The following FBXL7 variants were observed in gnomAD, a reference collection of about 807,000 sequenced individuals.
FBXL7 encodes F-box/LRR-repeat protein 7.
In FBXL7, 12 loss-of-function variants were observed where a neutral mutation model predicts 38.3. The observed-to-expected ratio is 0.31, with a 90% CI of 0.20 to 0.51. The LOEUF is 0.51. FBXL7 is among the 20% of genes least tolerant of loss of function. The pLI, the probability that FBXL7 is intolerant of heterozygous loss-of-function variation, is 0.98. For synonymous variants in FBXL7, 297 were observed against 300.9 expected (o/e 0.99, Z 0.13); for missense variants, 567 against 676.4 (o/e 0.84, Z 1.79).
At chr5:15,676,720 G>T (rs1166429866) in intron 2 of FBXL7, among the ~76,000 whole-genome samples, 2 of 152,186 alleles carry the variant, frequency 1.3e-5, no homozygotes, top group Non-Finnish European at 2.9e-5. Context: ...CATGCTGCAG[G>T]GCACTGCTGT....
At chr5:15,790,293 G>A (rs1437118203) in intron 2 of FBXL7, among the ~76,000 whole-genome samples, 1 of 152,112 alleles carries the variant, frequency 6.6e-6, no homozygotes, top group Non-Finnish European at 1.5e-5. Flanking sequence ...AGAATCTGGA[G>A]TCTGACCACC....
At chr5:15,575,693 A>G (rs59584249) in intron 1 of FBXL7, among the ~76,000 whole-genome samples, 1 of 152,182 alleles carries the variant, frequency 6.6e-6, no homozygotes. Flanking sequence ...GCTTTTTCTT[A>G]CATCTTATAC....
At chr5:15,621,412 T>G (rs1740636617) in intron 2 of FBXL7, among the ~76,000 whole-genome samples, 1 of 152,194 alleles carries the variant, frequency 6.6e-6, no homozygotes, top group African/African-American at 2.4e-5. Flanking sequence ...CTCTTTCATA[T>G]TTTTCAGTCT....
chr5:15,896,354 A>G (rs1487190299), intron 2 of FBXL7, among the ~76,000 whole-genome samples: 1 of 152,166 alleles, frequency 6.6e-6, no homozygotes, highest in Non-Finnish European at 1.5e-5. Context: ...AAAATTGTTG[A>G]TCTGTCATCT....
chr5:15,678,017 A>C (rs751602841), intron 2 of FBXL7, among the ~76,000 whole-genome samples: 21 of 152,060 alleles, frequency 1.4e-4, no homozygotes, highest in Non-Finnish European at 2.2e-4. Context: ...AGAATGGAAC[A>C]CTCTGACTTT....
In FBXL7 at chr5:15,936,191, G is replaced by A. The variant is rs1742177666; in HGVS notation, c.740-259G>A. Among the ~76,000 whole-genome samples the A allele has an allele frequency of 6.6e-6, 1 of 152,216 alleles. No homozygotes were observed. The highest frequency in any genetic ancestry group is 1.5e-5 in the Non-Finnish European group (1 of 68,044). On this transcript the variant is annotated intron_variant, in intron 3 of 3. Transcript: ENST00000504595. This position sits in a 1 kb window ranked among gnomAD's most constrained non-coding sequence, Gnocchi z 6.0. ...AAATGTCAGGCAAGTAGGGACAGAT[G>A]ACAGATCAGGAATTGGAACCATGGT... is the stretch of plus-strand genomic sequence containing the variant.
At chr5:15,789,556 G>A (rs541885539) in intron 2 of FBXL7, among the ~76,000 whole-genome samples, 1 of 152,254 alleles carries the variant, frequency 6.6e-6, no homozygotes, top group African/African-American at 2.4e-5. Context: ...TGTTCAGGCT[G>A]TTTGTGCTCT....
chr5:15,645,772 G>A (rs925088072), intron 2 of FBXL7, among the ~76,000 whole-genome samples: 3 of 152,140 alleles, frequency 2.0e-5, no homozygotes, highest in African/African-American at 7.2e-5. Context: ...TTTGCAATAG[G>A]CTTATTTGGT....
chr5:15,610,181 A>T (rs186510305), intron 1 of FBXL7, among the ~76,000 whole-genome samples: 1 of 152,250 alleles, frequency 6.6e-6, no homozygotes, highest in Admixed American at 6.5e-5. Flanking sequence ...GAATTTTGGG[A>T]GCTACAATTC....
intron 2 of FBXL7, among the ~76,000 whole-genome samples, chr5:15,681,113 G>T (rs1742830577): frequency 6.6e-6 from 1 of 152,092 alleles, no homozygotes; most frequent in South Asian, 2.1e-4. Context: ...TGACAGATCT[G>T]GTAGGTATAT....
intron 2 of FBXL7, among the ~76,000 whole-genome samples, chr5:15,736,658 C>A (rs976314697): frequency 2.0e-5 from 3 of 152,258 alleles, no homozygotes; most frequent in Admixed American, 2.0e-4. Flanking sequence ...AAAATTTATA[C>A]TCTAGGAAAA....
chr5:15,722,299 T>G (rs910736135), intron 2 of FBXL7, among the ~76,000 whole-genome samples: 2 of 152,180 alleles, frequency 1.3e-5, no homozygotes, highest in South Asian at 2.1e-4. Flanking sequence ...AATTTAGAAT[T>G]CTAGGATTCT....
chr5:15,892,638 T>C (rs1368666635), intron 2 of FBXL7, among the ~76,000 whole-genome samples: 2 of 152,154 alleles, frequency 1.3e-5, no homozygotes, highest in Non-Finnish European at 2.9e-5. Context: ...TTTAAAGACA[T>C]TGATTAAGCA....
At chr5:15,767,031 C>A (rs1455925709) in intron 2 of FBXL7, among the ~76,000 whole-genome samples, 3 of 151,916 alleles carry the variant, frequency 2.0e-5, no homozygotes, top group Non-Finnish European at 4.4e-5. Context: ...TTCCGGGGTA[C>A]CCGTGCAGGA....
At chr5:15,504,508 G>A (rs572208281) in intron 1 of FBXL7, among the ~76,000 whole-genome samples, 54 of 152,186 alleles carry the variant, frequency 3.5e-4, no homozygotes, top group Non-Finnish European at 4.6e-4. Context: ...TCGATAATGA[G>A]TGTTTCCAAA....
At chr5:15,897,152 A>AT (rs202027244) in intron 2 of FBXL7, among the ~76,000 whole-genome samples, 164 of 151,402 alleles carry the variant, frequency 1.1e-3, no homozygotes, top group African/African-American at 3.9e-3. Context: ...ATACGTATAT[A>AT]TTTTTTTTTC....
chr5:15,531,417 A>T (rs970253037), intron 1 of FBXL7, among the ~76,000 whole-genome samples: 1 of 152,242 alleles, frequency 6.6e-6, no homozygotes, highest in African/African-American at 2.4e-5. Context: ...ATGTAGGATG[A>T]TATAGAGACT....
chr5:15,890,712 A>G (rs1413913805), intron 2 of FBXL7, among the ~76,000 whole-genome samples: 1 of 152,100 alleles, frequency 6.6e-6, no homozygotes, highest in Admixed American at 6.5e-5. Context: ...TCTTCCATGG[A>G]ACTAGTCTCT....
At chr5:15,786,272 C>G (rs959533819) in intron 2 of FBXL7, among the ~76,000 whole-genome samples, 2 of 152,072 alleles carry the variant, frequency 1.3e-5, no homozygotes, top group African/African-American at 4.8e-5. Context: ...CCTTCCCTCC[C>G]TCCCTCCCTT....
Sources: gnomAD v4.1 joint callset for allele counts (sites outside exome capture counted in the v4.1 genomes callset) on GRCh38, gnomAD v4.1.1 for gene constraint, Gnocchi (gnomAD v3.1) non-coding constraint, MANE v1.5 for transcripts, NCBI Gene and HGNC (gene_info 2026-07-23, HGNC 2026-07-21) for gene names.